The following SNX29 variants were observed in gnomAD, a reference collection of about 807,000 sequenced individuals.
SNX29 encodes sorting nexin-29.
A neutral mutation model predicts 102.1 loss-of-function variants in SNX29; 78 were observed. The ratio of observed to expected loss-of-function variants is 0.76; its 90% CI spans 0.64 to 0.92. The LOEUF (loss-of-function observed/expected upper bound fraction) is 0.92. Ranked by LOEUF, SNX29 falls within the 40% of genes least tolerant of loss-of-function variation. SNX29 has a pLI of 0.00. For missense variants in SNX29, 1,280 were observed against 1,061.7 expected (o/e 1.21, Z -2.86); for synonymous variants, 580 against 414.5 (o/e 1.40, Z -4.85).
At chr16:12,251,707 ACAAAAG>A (rs1320959442) in intron 14 of SNX29, among the ~76,000 whole-genome samples, 1 of 152,172 alleles carries the variant, frequency 6.6e-6, no homozygotes, top group Non-Finnish European at 1.5e-5. Flanking sequence ...TGTCTCCAAA[ACAAAAG>A]CAAAAACAAA....
chr16:12,305,394 C>T lies in SNX29; in HGVS notation c.1782+27358C>T, dbSNP rs114534270. On this transcript the variant is annotated intron_variant, in intron 15 of 20. Coordinates refer to ENST00000566228, the MANE Select transcript of SNX29 (RefSeq NM_032167.5). ...GCCCAAGGTGACAGGGACCAAAGGGCACAGCGCCGAGGGCGTCAAGCCCTA... is the reference window on the plus strand; with the variant it reads ...GCCCAAGGTGACAGGGACCAAAGGGTACAGCGCCGAGGGCGTCAAGCCCTA... 5.5e-3 allele frequency among the ~76,000 whole-genome samples: 834 copies of T among 152,314 alleles called. 8 individuals carry two copies. The highest frequency in any genetic ancestry group is 5.6e-3 in the Non-Finnish European group (383 of 68,030).
At chr16:12,534,295 G>T (rs1010380035) in intron 20 of SNX29, among the ~76,000 whole-genome samples, 2 of 152,218 alleles carry the variant, frequency 1.3e-5, no homozygotes, top group African/African-American at 4.8e-5. Flanking sequence ...CTCCGTGTGG[G>T]AGACGTGCTC....
chr16:12,359,711 T>A (rs1477176377), intron 16 of SNX29, among the ~76,000 whole-genome samples: 5 of 152,250 alleles, frequency 3.3e-5, no homozygotes, highest in Admixed American at 2.0e-4. Context: ...TCATTACTTC[T>A]CAACTCACAT....
intron 13 of SNX29, among the ~76,000 whole-genome samples, chr16:12,173,021 C>T (rs963122124): frequency 6.6e-6 from 1 of 152,160 alleles, no homozygotes. Context: ...TACACACAGA[C>T]CAGGTGGTCT....
At chr16:12,028,212 T>G (rs1292141876) in intron 4 of SNX29, among the ~76,000 whole-genome samples, 1 of 152,174 alleles carries the variant, frequency 6.6e-6, no homozygotes, top group African/African-American at 2.4e-5. Flanking sequence ...TTTGGCTGGT[T>G]CCCCTTTCAC....
rs140911236 is a variant in SNX29, at chr16:12,042,512, T to C, written c.248-385T>C. Among the ~76,000 whole-genome samples, 306 of 152,306 alleles carry C rather than the reference T, an allele frequency of 2.0e-3. 2 individuals carry two copies. The highest frequency in any genetic ancestry group is 6.9e-3 in the African/African-American group (285 of 41,564). On this transcript the variant is annotated intron_variant, in intron 4 of 20. Transcript: ENST00000566228. ...TCTCTCTAGCAGCCCCCAGTGTCTG[T>C]TGTTTGCCATCTTTATGTCTGTGTG...
chr16:12,270,918 C>A (rs2079073208), intron 14 of SNX29, among the ~76,000 whole-genome samples: 1 of 152,058 alleles, frequency 6.6e-6, no homozygotes, highest in Admixed American at 6.6e-5. Flanking sequence ...TGGTGTGTGC[C>A]TGTAATCCCA....
At chr16:12,490,582 G>A (rs1192392340) in intron 19 of SNX29, among the ~76,000 whole-genome samples, 1 of 152,166 alleles carries the variant, frequency 6.6e-6, no homozygotes, top group African/African-American at 2.4e-5. Flanking sequence ...TGGACTTGCT[G>A]GTCACAGGGT....
chr16:12,551,183 C>A (rs1297539499), intron 20 of SNX29, among the ~76,000 whole-genome samples: 2 of 152,072 alleles, frequency 1.3e-5, no homozygotes, highest in East Asian at 1.9e-4. Context: ...GTGCAGACTT[C>A]CCCACAGAGA....
intron 15 of SNX29, among the ~76,000 whole-genome samples, chr16:12,285,933 A>G (rs1288622160): frequency 3.3e-5 from 5 of 151,392 alleles, no homozygotes; most frequent in Admixed American, 1.3e-4. Flanking sequence ...TCAGCTCACT[A>G]CAACCTCCGC....
At chr16:12,418,330 ATCAGAT>A (rs1427606120) in intron 18 of SNX29, among the ~76,000 whole-genome samples, 1 of 152,084 alleles carries the variant, frequency 6.6e-6, no homozygotes, top group African/African-American at 2.4e-5. Flanking sequence ...CACAACACAC[ATCAGAT>A]GTAGGATGTT....
intron 19 of SNX29, among the ~76,000 whole-genome samples, chr16:12,519,894 G>T (rs908898379): frequency 6.6e-6 from 1 of 152,134 alleles, no homozygotes; most frequent in Non-Finnish European, 1.5e-5. Context: ...TGTAGTCCCA[G>T]CTACTTGGGA....
chr16:12,258,324 C>A (rs771561050), intron 14 of SNX29, among the ~76,000 whole-genome samples: 2 of 152,098 alleles, frequency 1.3e-5, no homozygotes, highest in Non-Finnish European at 2.9e-5. Flanking sequence ...GGAAGAAGTC[C>A]CGCGTTCCCA....
At position 12,398,512 on chromosome 16, in the gene SNX29, A is replaced by G; in HGVS notation, c.1955+11A>G. On this transcript the variant is annotated intron_variant, in intron 17 of 20. Coordinates refer to ENST00000566228, the MANE Select transcript of SNX29 (RefSeq NM_032167.5). ...GTCGGATTTTGAAATGTAAGTCCAC[A>G]GCCTGTGCTCACAAGGGGTCCTTTA... 1.2e-6 allele frequency: 2 copies of G among 1,613,966 alleles called. No individual in the cohort carries two copies. Among genetic ancestry groups the G allele is most frequent in the African/African-American group, 1.3e-5 (1 of 75,026 alleles).
At chr16:12,395,820 TC>T (rs2083700278) in intron 16 of SNX29, among the ~76,000 whole-genome samples, 1 of 147,636 alleles carries the variant, frequency 6.8e-6, no homozygotes, top group Non-Finnish European at 1.5e-5. Context: ...GAATCAGCTC[TC>T]TAAAGGGCTG....
intron 13 of SNX29, among the ~76,000 whole-genome samples, chr16:12,150,442 C>A (rs1324401859): frequency 6.6e-6 from 1 of 152,196 alleles, no homozygotes; most frequent in Admixed American, 6.5e-5. Context: ...TTGCCTAGCT[C>A]CTCAAGGTAC....
chr16:12,564,326 C>G (rs1382584993), intron 20 of SNX29, among the ~76,000 whole-genome samples: 2 of 152,204 alleles, frequency 1.3e-5, no homozygotes, highest in African/African-American at 4.8e-5. Context: ...GTGTCTCTTA[C>G]CTTATTTCAG....
chr16:12,571,970 G>A lies in SNX29; in HGVS notation c.*3341G>A. The A allele has an allele frequency of 1.9e-6, 2 of 1,061,840 alleles. No homozygotes were observed. Among genetic ancestry groups the A allele is most frequent in the Non-Finnish European group, 2.3e-6 (2 of 877,084 alleles). 65.8% of individuals were successfully genotyped at this position (1,061,840 alleles called of 1,614,324 possible). A position where few individuals can be genotyped will look rare whatever the true frequency, so the allele number is the denominator to read the frequency against. ...GAAGAGGCTCTTACAGTCTATGGTG[G>A]TAGCCATCTTCACATCCAGTCACCA... On this transcript the variant is annotated 3_prime_UTR_variant, in exon 21 of 21. Transcript: ENST00000566228.
chr16:12,533,785 G>A (rs1448724749), intron 20 of SNX29, among the ~76,000 whole-genome samples: 4 of 152,170 alleles, frequency 2.6e-5, no homozygotes, highest in Non-Finnish European at 5.9e-5. Flanking sequence ...GTGGTGTGGA[G>A]TGCAGCTCAT....
Sources: gnomAD v4.1 joint callset for allele counts (sites outside exome capture counted in the v4.1 genomes callset) on GRCh38, gnomAD v4.1.1 for gene constraint, MANE v1.5 for transcripts, NCBI Gene and HGNC (gene_info 2026-07-23, HGNC 2026-07-21) for gene names.